DNAH10: variants seen among roughly 807,000 people sequenced by gnomAD.
The protein encoded by DNAH10 is dynein axonemal heavy chain 10, also known as axonemal beta dynein heavy chain 10.
In DNAH10, 348 loss-of-function variants were observed where a neutral mutation model predicts 506.6. The observed-to-expected ratio is 0.69, with a 90% CI of 0.63 to 0.75. The LOEUF (loss-of-function observed/expected upper bound fraction) is 0.75, where lower values mean the gene tolerates loss of function less well. Among genes scored for constraint, DNAH10 ranks in the 30% least tolerant of loss-of-function variants. The pLI is 0.00. For missense variants in DNAH10, 5,179 were observed against 5,787.1 expected, an observed-to-expected ratio of 0.89 and a Z score of 3.41; for synonymous variants, 2,059 against 2,198.6, an observed-to-expected ratio of 0.94 and a Z score of 1.78.
chr12:123,853,920 A>ACACG lies in DNAH10; in HGVS notation c.6438+576_6438+579dup, dbSNP rs369586635. Among the ~76,000 whole-genome samples, 116 of 150,208 alleles carry ACACG rather than the reference A, an allele frequency of 7.7e-4. No individual in the cohort carries two copies. Among genetic ancestry groups the ACACG allele is most frequent in the African/African-American group, 2.2e-3 (91 of 40,806 alleles). The stretch of plus-strand genomic sequence containing the variant: ...TACGCACGCACATGTACACATACGC[A>ACACG]CACGCACGCACACGCACACGCACAC... On this transcript the variant is annotated intron_variant, in intron 36 of 78. Coordinates refer to ENST00000673944, the MANE Select transcript of DNAH10 (RefSeq NM_001372106.1). This position sits in a 1 kb window ranked among gnomAD's most constrained non-coding sequence, Gnocchi z 4.7.
intron 33 of DNAH10, 69 bp from the exon 34 acceptor site, chr12:123,848,661 T>C: frequency 3.2e-6 from 5 of 1,572,658 alleles, no homozygotes; most frequent in Non-Finnish European, 4.3e-6. Context: ...AGAAAATATA[T>C]CCATAAATGT....
chr12:123,934,579 T>G (rs1338286176), intron 77 of DNAH10, 42 bp from the exon 78 acceptor site: 1 of 1,608,828 alleles, frequency 6.2e-7, no homozygotes, highest in Non-Finnish European at 8.5e-7. Context: ...TGGCAGGCTG[T>G]GCATGCTCCA....
intron 47 of DNAH10, among the ~76,000 whole-genome samples, chr12:123,877,136 C>G (rs1254665192): frequency 6.6e-6 from 1 of 152,188 alleles, no homozygotes; most frequent in Non-Finnish European, 1.5e-5. Flanking sequence ...TCCCACCTCT[C>G]ATTCCCAGGA....
intron 45 of DNAH10, among the ~76,000 whole-genome samples, chr12:123,872,235 C>G (rs1952064128): frequency 6.6e-6 from 1 of 152,018 alleles, no homozygotes; most frequent in Non-Finnish European, 1.5e-5. Context: ...ATGTACCTGG[C>G]ATAGAATTCG....
At position 123,793,989 on chromosome 12, in the gene DNAH10, G is replaced by T; in HGVS notation, c.1863G>T (p.Thr621=). Residue 621 remains threonine (T), a synonymous_variant, in exon 12 of 79, where the codon ACG becomes ACT. Coordinates refer to ENST00000673944, the MANE Select transcript of DNAH10 (RefSeq NM_001372106.1). ...ATTTTATTGATGAATCTTTTAAGAC[G>T]CTTCGATCTGCTGAAGCAGCATTTG... The part of the protein sequence containing the change: ...AKHFIDESFK[T]LRSAEAAFDM... The T allele has an allele frequency of 7.8e-7, 1 of 1,275,272 alleles. No individual in the cohort carries two copies. The highest frequency in any genetic ancestry group is 1.5e-5 in the African/African-American group (1 of 65,670). The allele number at this position is 1,275,272 out of a possible 1,614,324, so 79.0% of individuals were successfully genotyped here. A position where few individuals can be genotyped will look rare whatever the true frequency, so the allele number is the denominator to read the frequency against.
At chr12:123,891,695 C>A (rs1048244160) in intron 52 of DNAH10, among the ~76,000 whole-genome samples, 3 of 152,156 alleles carry the variant, frequency 2.0e-5, no homozygotes, top group African/African-American at 7.2e-5. Flanking sequence ...GGCTCCCTGC[C>A]AAGGGAGGGA....
chr12:123,914,181 CTG>C, intron 60 of DNAH10, 146 bp from the exon 61 acceptor site: 3 of 742,206 alleles, frequency 4.0e-6, no homozygotes. Context: ...CTGTTGGTCT[CTG>C]TTCCTCACAA....
In DNAH10 at chr12:123,913,190, A is replaced by T; in HGVS notation, c.10227A>T (p.Thr3409=). ...ELAAIQKELE[T]LGAKYEAAIL... Reference sequence around the variant, plus strand: ...CAGCAATTCAGAAAGAGCTGGAAACATTGGGTGCCAAATATGAGGCCGCCA... The same window carrying T: ...CAGCAATTCAGAAAGAGCTGGAAACTTTGGGTGCCAAATATGAGGCCGCCA... The change falls in exon 60 of 79, where the codon ACA becomes ACT. Residue 3409 remains threonine, a synonymous_variant. Coordinates refer to ENST00000673944, the MANE Select transcript of DNAH10 (RefSeq NM_001372106.1). The surrounding 1 kb of genome is among the most constrained non-coding windows in gnomAD (Gnocchi z 5.1). 6.2e-7 allele frequency: 1 copy of T among 1,611,028 alleles called. No homozygotes were observed. The highest frequency in any genetic ancestry group is 8.5e-7 in the Non-Finnish European group (1 of 1,178,930).
chr12:123,924,963 C>G, intron 67 of DNAH10, 87 bp from the exon 68 acceptor site: 4 of 1,544,554 alleles, frequency 2.6e-6, no homozygotes, highest in Non-Finnish European at 2.6e-6. Context: ...TCGTCCCTTT[C>G]CAGTGGCTTT....
intron 77 of DNAH10, chr12:123,933,940 T>C (rs777495967): frequency 8.5e-5 from 38 of 446,170 alleles, no homozygotes; most frequent in Non-Finnish European, 1.4e-4. Flanking sequence ...CCCTTAGACA[T>C]TGGTTACTGA....
chr12:123,836,284 A>G (rs1006939763), intron 28 of DNAH10, among the ~76,000 whole-genome samples: 4 of 152,202 alleles, frequency 2.6e-5, no homozygotes, highest in African/African-American at 9.7e-5. Flanking sequence ...TGAGAAAATA[A>G]TTTCATGGCT....
At chr12:123,921,690 AG>A in intron 65 of DNAH10, among the ~76,000 whole-genome samples, 1 of 98,272 alleles carries the variant, frequency 1.0e-5, no homozygotes, top group African/African-American at 4.0e-5. Flanking sequence ...TGTAGCTTGC[AG>A]TTTTTTTTTT....
In DNAH10 at chr12:123,898,647, C is replaced by T. The variant is rs780256129; in HGVS notation, c.9479-6C>T. ...GACGATGAACATAGGTGCCCTCTTTCCTCAGCTCAGTGCAAGCGTCTGGAT... is the reference window on the plus strand; with the variant it reads ...GACGATGAACATAGGTGCCCTCTTTTCTCAGCTCAGTGCAAGCGTCTGGAT... On this transcript the variant is annotated splice_polypyrimidine_tract_variant and splice_region_variant and intron_variant, in intron 55 of 78. Transcript: ENST00000673944. 6.5e-6 allele frequency: 10 copies of T among 1,541,640 alleles called. No homozygotes were observed. In the African/African-American group the frequency reaches 6.9e-5, roughly 11 times the overall value.
Position 123,867,919 on chromosome 12 carries a change from A to T in DNAH10, c.7319A>T (p.Lys2440Met). Reference protein sequence around the residue: ...TDLNMVTQLAKMLDALLEGEI... With the variant: ...TDLNMVTQLAMMLDALLEGEI... ...GTGAACCAGGTAACCCAGTTAGCCA[A>T]GATGTTGGATGCGTTGCTAGAAGGA... The change falls in exon 43 of 79, where the codon AAG becomes ATG. Residue 2440 changes from lysine to methionine, a missense_variant. Transcript: ENST00000673944. 6.2e-7 allele frequency: 1 copy of T among 1,613,558 alleles called. No individual in the cohort carries two copies. Among genetic ancestry groups the T allele is most frequent in the South Asian group, 1.1e-5 (1 of 90,926 alleles).
chr12:123,925,299 C>T lies in DNAH10; in HGVS notation c.11921+95C>T. On this transcript the variant is annotated intron_variant, in intron 68 of 78. Coordinates refer to ENST00000673944, the MANE Select transcript of DNAH10 (RefSeq NM_001372106.1). This position sits in a 1 kb window ranked among gnomAD's most constrained non-coding sequence, Gnocchi z 4.0. Reference sequence around the variant, plus strand: ...CTCAAAGAAAGCAGAGGCTGACCAGCTCCCGAGACAGCTGTCGCCACCCTG... The same window carrying T: ...CTCAAAGAAAGCAGAGGCTGACCAGTTCCCGAGACAGCTGTCGCCACCCTG... The T allele has an allele frequency of 6.5e-7, 1 of 1,546,468 alleles. No homozygotes were observed. The highest frequency in any genetic ancestry group is 8.8e-7 in the Non-Finnish European group (1 of 1,132,166).
chr12:123,766,197 A>G (rs1168000962), intron 1 of DNAH10, among the ~76,000 whole-genome samples: 1 of 151,892 alleles, frequency 6.6e-6, no homozygotes, highest in Non-Finnish European at 1.5e-5. Flanking sequence ...CTATCTATGT[A>G]CCTACCTACA....
intron 65 of DNAH10, among the ~76,000 whole-genome samples, chr12:123,921,641 C>T (rs71458827): frequency 1.1e-4 from 16 of 144,200 alleles, no homozygotes; most frequent in Non-Finnish European, 2.1e-4. Flanking sequence ...AGTCAACTTT[C>T]TCAGCTCTGC....
At position 123,845,842 on chromosome 12, in the gene DNAH10, A is replaced by G; in HGVS notation, c.5603A>G (p.Asp1868Gly). ...TVLIIDVHAR[D>G]IVDSFIRGSI... ...CTCATCATTGATGTGCATGCCAGAGACATAGTTGATTCTTTCATAAGAGGC... is the reference window on the plus strand; with the variant it reads ...CTCATCATTGATGTGCATGCCAGAGGCATAGTTGATTCTTTCATAAGAGGC... Residue 1868 changes from aspartate (D) to glycine (G), a missense_variant, in exon 31 of 79, where the codon GAC becomes GGC. Coordinates refer to ENST00000673944, the MANE Select transcript of DNAH10 (RefSeq NM_001372106.1). 6.2e-7 allele frequency: 1 copy of G among 1,614,002 alleles called. No homozygotes were observed. The highest frequency in any genetic ancestry group is 8.5e-7 in the Non-Finnish European group (1 of 1,179,886).
In DNAH10 at chr12:123,841,566, A is replaced by G. The variant is rs759784495; in HGVS notation, c.5360+21A>G. ...AGCAGGTAAGGCTGCGAATGTGGAC[A>G]TGCATTGCTCTATCCAATTCATAGT... On this transcript the variant is annotated intron_variant, in intron 30 of 78. Transcript: ENST00000673944. The G allele has an allele frequency of 3.1e-6, 5 of 1,603,230 alleles. No individual in the cohort carries two copies. The East Asian group carries it at 8.9e-5, about 29-fold the overall frequency.
Sources: allele counts gnomAD v4.1 joint callset (sites outside exome capture counted in the v4.1 genomes callset), GRCh38; gene constraint gnomAD v4.1.1; non-coding constraint Gnocchi (gnomAD v3.1); transcripts MANE v1.5; gene names NCBI Gene and HGNC (gene_info 2026-07-23, HGNC 2026-07-21).